Variants in CDH18 observed in about 807,000 individuals in gnomAD.
CDH18 encodes the protein cadherin 18, also known as cadherin-18.
In CDH18, 31 loss-of-function variants were observed where a neutral mutation model predicts 67.9. The ratio of observed to expected loss-of-function variants is 0.46; its 90% CI spans 0.34 to 0.62. CDH18 has a LOEUF of 0.62. CDH18 is among the 20% of genes least tolerant of loss of function. The pLI, the probability that CDH18 is intolerant of heterozygous loss-of-function variation, is 0.01. For synonymous variants in CDH18, 362 were observed against 347.2 expected (o/e 1.04, Z -0.48); for missense variants, 890 against 975.5 (o/e 0.91, Z 1.17).
At chr5:20,483,393 C>T (rs564179758) in intron 1 of CDH18, among the ~76,000 whole-genome samples, 31 of 151,742 alleles carry the variant, frequency 2.0e-4, no homozygotes, top group South Asian at 1.0e-3. Flanking sequence ...AACAATAATG[C>T]GTTTCACAGA....
intron 1 of CDH18, among the ~76,000 whole-genome samples, chr5:20,277,144 T>C (rs1745870900): frequency 6.6e-6 from 1 of 152,066 alleles, no homozygotes; most frequent in South Asian, 2.1e-4. Flanking sequence ...GAGCCCTAGG[T>C]CCTTGAGTGA....
At chr5:19,573,443 T>A (rs1240806518) in intron 7 of CDH18, among the ~76,000 whole-genome samples, 1 of 152,114 alleles carries the variant, frequency 6.6e-6, no homozygotes, top group African/African-American at 2.4e-5. Flanking sequence ...CACGCCCGGC[T>A]AATTTTTTGT....
chr5:20,226,964 C>T (rs549040251), intron 2 of CDH18, among the ~76,000 whole-genome samples: 2 of 152,130 alleles, frequency 1.3e-5, no homozygotes, highest in African/African-American at 2.4e-5. Flanking sequence ...TTACTCTGTT[C>T]CTCCCATTGT....
At chr5:20,106,940 C>A (rs1449260299) in intron 2 of CDH18, among the ~76,000 whole-genome samples, 3 of 152,284 alleles carry the variant, frequency 2.0e-5, no homozygotes, top group East Asian at 3.9e-4. Flanking sequence ...AAACTAATAT[C>A]AAAAATTGTT....
chr5:20,018,328 A>G (rs925322041), intron 2 of CDH18, among the ~76,000 whole-genome samples: 5 of 152,200 alleles, frequency 3.3e-5, no homozygotes, highest in African/African-American at 1.2e-4. Flanking sequence ...AAATATAATT[A>G]TAAGTAAAAA....
At chr5:19,993,306 C>CA (rs1227393185) in intron 2 of CDH18, among the ~76,000 whole-genome samples, 1 of 152,012 alleles carries the variant, frequency 6.6e-6, no homozygotes, top group Non-Finnish European at 1.5e-5. Context: ...AATTATATGA[C>CA]ACAGTTATCA....
chr5:20,084,639 A>T (rs181804917), intron 2 of CDH18, among the ~76,000 whole-genome samples: 1 of 152,296 alleles, frequency 6.6e-6, no homozygotes, highest in African/African-American at 2.4e-5. Context: ...GTGCCTGGAC[A>T]TTCAGGCATT....
intron 2 of CDH18, among the ~76,000 whole-genome samples, chr5:19,916,564 C>A: frequency 6.6e-6 from 1 of 152,160 alleles, no homozygotes. Context: ...TTTTCTGTGT[C>A]TCTCAGCTAC....
chr5:19,963,572 A>G (rs571512963), intron 2 of CDH18, among the ~76,000 whole-genome samples: 5 of 151,988 alleles, frequency 3.3e-5, no homozygotes, highest in African/African-American at 1.2e-4. Context: ...CCTTTTGCTT[A>G]GCTCTCATTC....
chr5:19,832,463 G>A (rs1781157560), intron 3 of CDH18, among the ~76,000 whole-genome samples: 1 of 152,034 alleles, frequency 6.6e-6, no homozygotes. Context: ...GCATTTCTGT[G>A]ACAGGGAGGA....
At chr5:20,063,018 T>C (rs1485959510) in intron 2 of CDH18, among the ~76,000 whole-genome samples, 1 of 146,860 alleles carries the variant, frequency 6.8e-6, no homozygotes, top group East Asian at 2.0e-4. Flanking sequence ...AGACAGAGTC[T>C]TGGTCTGTCA....
chr5:19,651,114 C>G (rs1755505125), intron 5 of CDH18, among the ~76,000 whole-genome samples: 1 of 151,886 alleles, frequency 6.6e-6, no homozygotes, highest in African/African-American at 2.4e-5. Flanking sequence ...TAGCCTCAGT[C>G]TACAATCAAA....
chr5:19,905,408 T>C (rs1359097898), intron 2 of CDH18, among the ~76,000 whole-genome samples: 11 of 151,958 alleles, frequency 7.2e-5, no homozygotes, highest in African/African-American at 2.7e-4. Context: ...AAATACTTTA[T>C]TTTTATTAAT....
At chr5:20,037,278 C>T (rs1363704802) in intron 2 of CDH18, among the ~76,000 whole-genome samples, 3 of 151,958 alleles carry the variant, frequency 2.0e-5, no homozygotes, top group Non-Finnish European at 4.4e-5. Flanking sequence ...ATATTTAGTG[C>T]TTCTTCAAGG....
At chr5:20,274,021 G>A (rs1438136853) in intron 1 of CDH18, among the ~76,000 whole-genome samples, 1 of 152,028 alleles carries the variant, frequency 6.6e-6, no homozygotes, top group Non-Finnish European at 1.5e-5. Context: ...GTGGAGAAAC[G>A]GAGACAAAAC....
chr5:20,341,889 A>G (rs1740296742), intron 1 of CDH18, among the ~76,000 whole-genome samples: 1 of 152,166 alleles, frequency 6.6e-6, no homozygotes, highest in Admixed American at 6.5e-5. Context: ...GACTCTACAC[A>G]TAATACCTTT....
intron 1 of CDH18, among the ~76,000 whole-genome samples, chr5:20,273,640 TA>T (rs996928213): frequency 7.9e-5 from 12 of 151,704 alleles, no homozygotes; most frequent in South Asian, 2.1e-4. Context: ...AAATTCAAAC[TA>T]AAAAAAATAC....
chr5:20,235,383 C>T (rs1001919823), intron 2 of CDH18, among the ~76,000 whole-genome samples: 57 of 151,938 alleles, frequency 3.8e-4, no homozygotes, highest in African/African-American at 1.3e-3. Flanking sequence ...ATGAATTTAA[C>T]AAAGGCCTAT....
In CDH18 at chr5:19,828,649, T is replaced by C. The variant is rs1348515747; in HGVS notation, c.228+10110A>G. Among the ~76,000 whole-genome samples, 25 of 152,102 alleles carry C rather than the reference T, an allele frequency of 1.6e-4. 1 individual carries two copies. Among genetic ancestry groups the C allele is most frequent in the Admixed American group, 1.6e-3 (25 of 15,260 alleles). On this transcript the variant is annotated intron_variant, in intron 3 of 12. Transcript: ENST00000382275. ...GTAAATACAAAACCAAATAATCATC[T>C]CGATAGATGCAGAAAAGGTTTCTGG...
Sources: allele counts gnomAD v4.1 joint callset (sites outside exome capture counted in the v4.1 genomes callset), GRCh38; gene constraint gnomAD v4.1.1; transcripts MANE v1.5; gene names NCBI Gene and HGNC (gene_info 2026-07-23, HGNC 2026-07-21).